Variants in COL25A1 observed in about 807,000 individuals in gnomAD.
COL25A1 encodes the protein collagen type XXV alpha 1 chain.
A neutral mutation model predicts 128.4 loss-of-function variants in COL25A1; 103 were observed. The ratio of observed to expected loss-of-function variants is 0.80; its 90% confidence interval spans 0.68 to 0.94. The LOEUF (loss-of-function observed/expected upper bound fraction) is 0.94, where lower values mean the gene tolerates loss of function less well. Ranked by LOEUF, COL25A1 falls within the 40% of genes least tolerant of loss-of-function variation. The pLI, the probability that COL25A1 is intolerant of heterozygous loss-of-function variation, is 0.00. For synonymous variants in COL25A1, 279 were observed against 277.2 expected, an observed-to-expected ratio of 1.01 and a Z score of -0.06; for missense variants, 745 against 840.0, an observed-to-expected ratio of 0.89 and a Z score of 1.40.
chr4:109,177,115 C>T (rs969673645), intron 3 of COL25A1, among the ~76,000 whole-genome samples: 4 of 152,142 alleles, frequency 2.6e-5, no homozygotes, highest in Non-Finnish European at 1.5e-5. Context: ...TGCAAACACA[C>T]AAAATCAAGT....
chr4:108,814,358 C>T (rs971057185), intron 37 of COL25A1, among the ~76,000 whole-genome samples: 4 of 152,138 alleles, frequency 2.6e-5, no homozygotes, highest in African/African-American at 9.7e-5. Context: ...GGATTGACCT[C>T]GATAATGTTG....
intron 28 of COL25A1, 24 bp from the exon 29 acceptor site, chr4:108,845,275 T>G (rs1734953402): frequency 6.3e-7 from 1 of 1,592,484 alleles, no homozygotes; most frequent in Non-Finnish European, 8.6e-7. Flanking sequence ...TTAAGCAGAG[T>G]TAAGCAGGTA....
chr4:109,198,578 G>A (rs1339234504), intron 3 of COL25A1, among the ~76,000 whole-genome samples: 1 of 152,112 alleles, frequency 6.6e-6, no homozygotes, highest in African/African-American at 2.4e-5. Flanking sequence ...AGGACATCAA[G>A]GAAATGGAAG....
chr4:109,254,703 G>A (rs1780969726), intron 3 of COL25A1, among the ~76,000 whole-genome samples: 1 of 151,516 alleles, frequency 6.6e-6, no homozygotes, highest in African/African-American at 2.4e-5. Context: ...GTTAAATTGA[G>A]CTGAATTTAA....
intron 6 of COL25A1, among the ~76,000 whole-genome samples, chr4:109,007,403 G>A (rs1216152496): frequency 6.6e-6 from 1 of 152,154 alleles, no homozygotes; most frequent in Non-Finnish European, 1.5e-5. Flanking sequence ...AGTAGATTTT[G>A]GAAAAATATT....
chr4:108,931,673 G>C (rs1262532463), intron 11 of COL25A1, among the ~76,000 whole-genome samples: 1 of 152,142 alleles, frequency 6.6e-6, no homozygotes, highest in Non-Finnish European at 1.5e-5. Flanking sequence ...AATCAACACA[G>C]AGCAGGTCCC....
chr4:108,819,819 C>T (rs1397940725), intron 35 of COL25A1: 6 of 1,230,172 alleles, frequency 4.9e-6, no homozygotes, highest in Non-Finnish European at 6.1e-6. Flanking sequence ...TACCAACGGG[C>T]AGGGTGCATC....
chr4:109,032,413 G>T (rs1409331071), intron 5 of COL25A1, among the ~76,000 whole-genome samples: 1 of 152,136 alleles, frequency 6.6e-6, no homozygotes, highest in African/African-American at 2.4e-5. Context: ...TTCAACAGGG[G>T]AACTTATGGT....
At chr4:108,960,638 C>G (rs1325538492) in intron 8 of COL25A1, among the ~76,000 whole-genome samples, 4 of 152,076 alleles carry the variant, frequency 2.6e-5, no homozygotes, top group Admixed American at 2.0e-4. Context: ...GTTTACATTC[C>G]TAAAAGGAAG....
chr4:109,200,034 C>G (rs921887457), intron 3 of COL25A1, among the ~76,000 whole-genome samples: 1 of 152,194 alleles, frequency 6.6e-6, no homozygotes, highest in Non-Finnish European at 1.5e-5. Context: ...CTGACACACA[C>G]CTTCTACATT....
At chr4:108,868,577 GAA>G (rs1166053486) in intron 20 of COL25A1, among the ~76,000 whole-genome samples, 1 of 102,898 alleles carries the variant, frequency 9.7e-6, no homozygotes, top group African/African-American at 3.7e-5. Context: ...AAGAGAGAGA[GAA>G]AGAAGGAAGG....
rs866738388 is a variant in COL25A1 at position 109,173,186 on chromosome 4, C to T, written c.368-123007G>A. ...CTGCAACCTTGAACTCCTGGGCTCA[C>T]GTGATCCTCCCCTTTCAGACCCCTG... is the stretch of plus-strand genomic sequence containing the variant. On this transcript the variant is annotated intron_variant, in intron 3 of 37. Transcript: ENST00000399132. 6.6e-5 allele frequency among the ~76,000 whole-genome samples: 10 copies of T among 151,896 alleles called. No homozygotes were observed. In the East Asian group the frequency reaches 9.7e-4, roughly 15 times the overall value.
rs1266948193 is a variant in COL25A1, at chr4:108,827,148, G to A, written c.1751C>T (p.Pro584Leu). The A allele has an allele frequency of 1.1e-5, 17 of 1,613,668 alleles. No individual in the cohort carries two copies. In the Admixed American group the frequency reaches 2.8e-4, roughly 27 times the overall value. ...CCAGGAACTCACAGGCAGCCCATAGGGCCCTCTTGGTCCAGGCTCTCCCAT... is the reference window on the plus strand; with the variant it reads ...CCAGGAACTCACAGGCAGCCCATAGAGCCCTCTTGGTCCAGGCTCTCCCAT... ...GAMGEPGPRG[P>L]YGLPGKDGEP... Residue 584 changes from proline (P) to leucine (L), a missense_variant, in exon 33 of 38, where the codon CCC becomes CTC. Transcript: ENST00000399132.
intron 8 of COL25A1, among the ~76,000 whole-genome samples, chr4:108,952,186 A>G (rs1749512148): frequency 6.6e-6 from 1 of 152,156 alleles, no homozygotes; most frequent in Non-Finnish European, 1.5e-5. Context: ...AAATAAATCT[A>G]CTTTTATGAT....
At chr4:109,243,261 C>T (rs576944294) in intron 3 of COL25A1, among the ~76,000 whole-genome samples, 3 of 152,018 alleles carry the variant, frequency 2.0e-5, no homozygotes, top group Admixed American at 6.6e-5. Flanking sequence ...CCTCTCTGTT[C>T]GACTCCATGC....
intron 31 of COL25A1, among the ~76,000 whole-genome samples, chr4:108,840,309 C>T (rs547310941): frequency 1.0e-3 from 152 of 151,368 alleles, no homozygotes; most frequent in Non-Finnish European, 2.0e-3. Flanking sequence ...GAAAAAGGCC[C>T]AGAGAGATTA....
At chr4:109,109,953 AT>A (rs1356374607) in intron 3 of COL25A1, among the ~76,000 whole-genome samples, 1 of 152,036 alleles carries the variant, frequency 6.6e-6, no homozygotes. Context: ...TAAATCCCTC[AT>A]TTCCATCTTA....
At chr4:109,161,608 T>C (rs1772590104) in intron 3 of COL25A1, among the ~76,000 whole-genome samples, 1 of 152,248 alleles carries the variant, frequency 6.6e-6, no homozygotes, top group Admixed American at 6.5e-5. Context: ...TGCTGCACTC[T>C]GAATTGTGGA....
At chr4:109,144,560 T>C in intron 3 of COL25A1, among the ~76,000 whole-genome samples, 1 of 152,238 alleles carries the variant, frequency 6.6e-6, no homozygotes, top group East Asian at 1.9e-4. Context: ...AGCCCCTGAC[T>C]AGGGCTGCTG....
Sources: allele counts gnomAD v4.1 joint callset (sites outside exome capture counted in the v4.1 genomes callset), GRCh38; gene constraint gnomAD v4.1.1; transcripts MANE v1.5; gene names NCBI Gene and HGNC (gene_info 2026-07-23, HGNC 2026-07-21).